The following CHSY3 variants were observed in gnomAD, a reference collection of about 807,000 sequenced individuals.
CHSY3 encodes the protein chondroitin sulfate synthase 3.
Under a neutral mutation model 67.2 loss-of-function variants are expected in CHSY3, and 35 were observed. The ratio of observed to expected loss-of-function variants is 0.52; its 90% CI spans 0.40 to 0.69. The LOEUF (loss-of-function observed/expected upper bound fraction) is 0.69, where lower values mean the gene tolerates loss of function less well. Ranked by LOEUF, CHSY3 falls within the 30% of genes least tolerant of loss-of-function variation. CHSY3 has a pLI of 0.00. For synonymous variants in CHSY3, 474 were observed against 434.7 expected (o/e 1.09, Z -1.12); for missense variants, 1,069 against 1,138.5 (o/e 0.94, Z 0.88).
At chr5:129,982,284 A>AC (rs907943710) in intron 2 of CHSY3, among the ~76,000 whole-genome samples, 24 of 151,830 alleles carry the variant, frequency 1.6e-4, no homozygotes, top group Non-Finnish European at 1.2e-4. Context: ...TGTAAAAAAA[A>AC]ACACACACAC....
intron 2 of CHSY3, among the ~76,000 whole-genome samples, chr5:129,943,003 T>TA: frequency 6.6e-6 from 1 of 152,284 alleles, no homozygotes; most frequent in South Asian, 2.1e-4. Context: ...AAGTTATATA[T>TA]TTTTTTATCT....
intron 2 of CHSY3, among the ~76,000 whole-genome samples, chr5:130,105,991 G>A (rs73244847): frequency 0.11 from 16,756 of 151,316 alleles, 1,153 homozygotes; most frequent in East Asian, 0.33. Flanking sequence ...GATAAACAGG[G>A]TTTTGGTTTT....
chr5:129,932,797 T>C (rs562252459), intron 2 of CHSY3, among the ~76,000 whole-genome samples: 32 of 152,244 alleles, frequency 2.1e-4, no homozygotes, highest in African/African-American at 7.5e-4. Context: ...CTAAGGCTCT[T>C]ACTTTGTTTT....
At chr5:130,183,463 C>A (rs13153847) in intron 2 of CHSY3, among the ~76,000 whole-genome samples, 54,525 of 151,616 alleles carry the variant, frequency 0.36, 10,837 homozygotes, top group African/African-American at 0.54. Flanking sequence ...ACTCCCCTGG[C>A]AAATAACTTC....
intron 2 of CHSY3, among the ~76,000 whole-genome samples, chr5:129,971,827 G>C (rs1407740148): frequency 6.6e-6 from 1 of 152,030 alleles, no homozygotes; most frequent in African/African-American, 2.4e-5. Flanking sequence ...CTGAGAACTA[G>C]AGATAGTCTA....
chr5:129,990,457 T>G (rs1763329961), intron 2 of CHSY3, among the ~76,000 whole-genome samples: 1 of 151,802 alleles, frequency 6.6e-6, no homozygotes, highest in Non-Finnish European at 1.5e-5. Flanking sequence ...ATACTGTAAT[T>G]GAATTTAGAA....
At chr5:130,181,094 C>T (rs533622401) in intron 2 of CHSY3, among the ~76,000 whole-genome samples, 25 of 152,104 alleles carry the variant, frequency 1.6e-4, no homozygotes, top group Non-Finnish European at 3.1e-4. Context: ...ATGTGTGATA[C>T]GCTTAAAGCA....
At chr5:130,038,450 A>G (rs191414673) in intron 2 of CHSY3, among the ~76,000 whole-genome samples, 81 of 152,182 alleles carry the variant, frequency 5.3e-4, no homozygotes, top group African/African-American at 1.3e-3. Context: ...GGCTTGATAA[A>G]CTTTCTCTTA....
intron 2 of CHSY3, among the ~76,000 whole-genome samples, chr5:129,999,210 A>G (rs1308708934): frequency 6.7e-6 from 1 of 149,392 alleles, no homozygotes; most frequent in Non-Finnish European, 1.5e-5. Context: ...ATACGTTGAG[A>G]TGGTATCTTT....
intron 2 of CHSY3, among the ~76,000 whole-genome samples, chr5:130,147,553 G>A (rs1431956952): frequency 6.6e-6 from 1 of 152,080 alleles, no homozygotes. Flanking sequence ...ATGTGTATTA[G>A]GCCATTCTTA....
At chr5:130,089,614 T>G (rs1766807499) in intron 2 of CHSY3, among the ~76,000 whole-genome samples, 1 of 152,124 alleles carries the variant, frequency 6.6e-6, no homozygotes, top group Non-Finnish European at 1.5e-5. Context: ...AAATATTTGT[T>G]AAATTGCTGT....
At position 129,904,763 on chromosome 5, in the gene CHSY3, G is replaced by A; in HGVS notation, c.-67G>A. On this transcript the variant is annotated 5_prime_UTR_variant, in exon 1 of 3. In the 5' UTR this introduces an upstream ATG that the reference lacks. Coordinates refer to ENST00000305031, the MANE Select transcript of CHSY3 (RefSeq NM_175856.5). ...GCGCAAAGGCGGAGGAGGGGCGGGTGTGAGCCGGGGAAACCGCGTGCCGCG... is the reference window on the plus strand; with the variant it reads ...GCGCAAAGGCGGAGGAGGGGCGGGTATGAGCCGGGGAAACCGCGTGCCGCG... 1 of 1,284,040 alleles carries A rather than the reference G, an allele frequency of 7.8e-7. No individual in the cohort carries two copies. Among genetic ancestry groups the A allele is most frequent in the Non-Finnish European group, 9.8e-7 (1 of 1,017,384 alleles). 79.5% of individuals were successfully genotyped at this position (1,284,040 alleles called of 1,614,324 possible).
chr5:129,986,006 T>C (rs2149626396), intron 2 of CHSY3, among the ~76,000 whole-genome samples: 1 of 152,242 alleles, frequency 6.6e-6, no homozygotes, highest in African/African-American at 2.4e-5. Context: ...CCTCTTCCTA[T>C]TTGGATGCCT....
chr5:130,137,678 T>G (rs1336944410), intron 2 of CHSY3, among the ~76,000 whole-genome samples: 2 of 152,214 alleles, frequency 1.3e-5, no homozygotes, highest in African/African-American at 4.8e-5. Flanking sequence ...AAAGGATATA[T>G]TAACTTAAGT....
chr5:130,013,793 G>A (rs1165162269), intron 2 of CHSY3, among the ~76,000 whole-genome samples: 1 of 152,194 alleles, frequency 6.6e-6, no homozygotes, highest in Admixed American at 6.5e-5. Context: ...TTTCCCCATT[G>A]TCTTGGTGAT....
At chr5:129,984,799 T>C (rs1763127591) in intron 2 of CHSY3, among the ~76,000 whole-genome samples, 1 of 152,182 alleles carries the variant, frequency 6.6e-6, no homozygotes, top group South Asian at 2.1e-4. Context: ...TTTCATATGC[T>C]TGACTGTTAC....
chr5:130,102,488 C>CA (rs541935333), intron 2 of CHSY3, among the ~76,000 whole-genome samples: 237 of 141,146 alleles, frequency 1.7e-3, no homozygotes, highest in East Asian at 6.7e-3. Flanking sequence ...TCTCCTTCTA[C>CA]AAAAAAAAAA....
chr5:130,106,478 T>G (rs573269395), intron 2 of CHSY3, among the ~76,000 whole-genome samples: 2 of 151,706 alleles, frequency 1.3e-5, no homozygotes, highest in Non-Finnish European at 1.5e-5. Flanking sequence ...ATAGATCAAG[T>G]CTTTGCCTTT....
intron 2 of CHSY3, chr5:130,002,002 A>G: frequency 2.3e-6 from 2 of 877,126 alleles, no homozygotes; most frequent in Non-Finnish European, 2.7e-6. Context: ...AGTAACTTAG[A>G]GCTACTCTCT....
Sources: gnomAD v4.1 joint callset for allele counts (sites outside exome capture counted in the v4.1 genomes callset) on GRCh38, gnomAD v4.1.1 for gene constraint, MANE v1.5 for transcripts, NCBI Gene and HGNC (gene_info 2026-07-23, HGNC 2026-07-21) for gene names.